DYNLRB2: variants seen among roughly 807,000 people sequenced by gnomAD.
DYNLRB2 encodes the protein bithoraxoid-like protein.
Under a neutral mutation model 12.6 loss-of-function variants are expected in DYNLRB2, and 14 were observed. That is an observed-to-expected ratio of 1.11 (90% CI 0.73 to 1.73). The LOEUF is 1.73. Ranked by LOEUF, DYNLRB2 falls within the 40% of genes most tolerant of loss-of-function variation. DYNLRB2 has a pLI of 0.00. For missense variants in DYNLRB2, 142 were observed against 117.7 expected (o/e 1.21, Z -0.95); for synonymous variants, 53 against 37.0 (o/e 1.43, Z -1.57).
intron 2 of DYNLRB2, among the ~76,000 whole-genome samples, chr16:80,548,578 C>G (rs951159593): frequency 6.6e-6 from 1 of 151,900 alleles, no homozygotes; most frequent in African/African-American, 2.4e-5. Context: ...AACAATTAGC[C>G]GGGCGTGGTG....
In DYNLRB2 at chr16:80,543,363, A is replaced by C. The variant is rs956888664; in HGVS notation, c.79+12A>C. On this transcript the variant is annotated intron_variant, in intron 2 of 3. Coordinates refer to ENST00000305904, the MANE Select transcript of DYNLRB2 (RefSeq NM_130897.3). ...TGTAAATGCAGAAGGTAAATATATC[A>C]CAGGCTGTCTTCTTGACACACAGAA... 6.2e-7 allele frequency: 1 copy of C among 1,613,638 alleles called. No homozygotes were observed. Among genetic ancestry groups the C allele is most frequent in the Non-Finnish European group, 8.5e-7 (1 of 1,179,662 alleles).
chr16:80,541,175 C>A, intron 1 of DYNLRB2, 96 bp downstream of exon 1: 1 of 1,502,560 alleles, frequency 6.7e-7, no homozygotes, highest in Non-Finnish European at 8.9e-7. Flanking sequence ...CAGGCACGGG[C>A]GGTCCAGGGG....
chr16:80,549,463 C>T, intron 2 of DYNLRB2, 21 bp from the exon 3 acceptor site: 1 of 1,554,424 alleles, frequency 6.4e-7, no homozygotes, highest in Non-Finnish European at 8.7e-7. Flanking sequence ...AAATATTAAC[C>T]AAAATTAAAT....
intron 1 of DYNLRB2, among the ~76,000 whole-genome samples, chr16:80,543,074 G>A (rs1182364531): frequency 1.3e-5 from 2 of 152,226 alleles, no homozygotes; most frequent in Admixed American, 6.5e-5. Flanking sequence ...AGATTCATCA[G>A]GATTGTATCC....
rs1483584082 is a variant in DYNLRB2, at chr16:80,542,386, A to C, written c.4-890A>C. On this transcript the variant is annotated intron_variant, in intron 1 of 3. Transcript: ENST00000305904. ...CAAGAAAACCTTGGCTCTGATGCTG[A>C]AATAGAGAAAATAAGTGCTCCTGCC... Among the ~76,000 whole-genome samples, 3 of 152,332 alleles carry C rather than the reference A, an allele frequency of 2.0e-5. No individual in the cohort carries two copies. The East Asian group carries it at 5.8e-4, about 29-fold the overall frequency.
At position 80,545,666 on chromosome 16, in the gene DYNLRB2, C is replaced by CTTTTTT. The variant is rs775659372; in HGVS notation, c.79+2329_79+2334dup. Among the ~76,000 whole-genome samples the CTTTTTT allele has an allele frequency of 1.3e-4, 10 of 74,916 alleles. 2 individuals are homozygous for CTTTTTT. The highest frequency in any genetic ancestry group is 4.1e-4 in the Admixed American group (2 of 4,844). The allele number at this position is 74,916 out of a possible 152,430, so 49.1% of individuals were successfully genotyped here. A position where few individuals can be genotyped will look rare whatever the true frequency, so the allele number is the denominator to read the frequency against. Reference sequence around the variant, plus strand: ...TATTATTTTCAGTACCCATTAGCTTCTTTTTTTTTTTTTTTTTTTGAGATG... The same window carrying CTTTTTT: ...TATTATTTTCAGTACCCATTAGCTTCTTTTTTTTTTTTTTTTTTTTTTTTTGAGATG... On this transcript the variant is annotated intron_variant, in intron 2 of 3. Coordinates refer to ENST00000305904, the MANE Select transcript of DYNLRB2 (RefSeq NM_130897.3).
chr16:80,550,415 A>C, intron 3 of DYNLRB2, 100 bp from the exon 4 acceptor site: 1 of 1,389,004 alleles, frequency 7.2e-7, no homozygotes, highest in African/African-American at 1.4e-5. Flanking sequence ...CTGTCTGCAC[A>C]AGGTCCCTGT....
At chr16:80,549,951 A>G (rs1165121030) in intron 3 of DYNLRB2, among the ~76,000 whole-genome samples, 2 of 152,234 alleles carry the variant, frequency 1.3e-5, no homozygotes. Flanking sequence ...CAGACTCTGC[A>G]GAATGGGAGA....
intron 1 of DYNLRB2, among the ~76,000 whole-genome samples, chr16:80,542,379 G>A (rs543137478): frequency 6.6e-6 from 1 of 152,256 alleles, no homozygotes; most frequent in Admixed American, 6.5e-5. Flanking sequence ...CCTTGGCTCT[G>A]ATGCTGAAAT....
At chr16:80,547,523 G>C (rs148705839) in intron 2 of DYNLRB2, among the ~76,000 whole-genome samples, 10 of 152,104 alleles carry the variant, frequency 6.6e-5, no homozygotes, top group African/African-American at 2.2e-4. Context: ...AAAAAGGCTA[G>C]CTGTTTTATT....
chr16:80,543,499 A>G (rs929754011), intron 2 of DYNLRB2, 148 bp downstream of exon 2: 9 of 731,398 alleles, frequency 1.2e-5, no homozygotes, highest in South Asian at 1.2e-4. Context: ...CCAAACATCT[A>G]TTGAGTATCT....
chr16:80,547,121 A>G (rs1904516499), intron 2 of DYNLRB2, among the ~76,000 whole-genome samples: 1 of 152,246 alleles, frequency 6.6e-6, no homozygotes, highest in African/African-American at 2.4e-5. Context: ...TATTAAGTAT[A>G]TTACAAAACA....
intron 1 of DYNLRB2, 35 bp downstream of exon 1, chr16:80,541,114 C>T: frequency 6.2e-7 from 1 of 1,604,522 alleles, no homozygotes; most frequent in Non-Finnish European, 8.5e-7. Flanking sequence ...CCCCGCCGTT[C>T]CAAGCACGCC....
rs1347783399 is a variant in DYNLRB2, at chr16:80,549,477, A to T, written c.80-7A>T. 1 of 1,577,008 alleles carries T rather than the reference A, an allele frequency of 6.3e-7. No homozygotes were observed. Among genetic ancestry groups the T allele is most frequent in the Non-Finnish European group, 8.6e-7 (1 of 1,157,766 alleles). ...AAAATATTAACCAAAATTAAATTTC[A>T]TAATAGGTATTCCCATCCGAACAAC... On this transcript the variant is annotated splice_region_variant and splice_polypyrimidine_tract_variant and intron_variant, in intron 2 of 3. Coordinates refer to ENST00000305904, the MANE Select transcript of DYNLRB2 (RefSeq NM_130897.3).
upstream of DYNLRB2, chr16:80,540,966 C>G: frequency 2.6e-6 from 4 of 1,561,536 alleles, no homozygotes; most frequent in Non-Finnish European, 3.5e-6. Flanking sequence ...GCAGCCCTGA[C>G]GCTTCCGTGG....
intron 2 of DYNLRB2, chr16:80,548,985 C>A (rs1428141901): frequency 6.6e-6 from 3 of 455,872 alleles, no homozygotes; most frequent in Non-Finnish European, 1.3e-5. Context: ...AACTTCAGAG[C>A]AGACTCACTA....
intron 2 of DYNLRB2, among the ~76,000 whole-genome samples, chr16:80,543,867 A>T (rs983019340): frequency 2.0e-5 from 3 of 152,214 alleles, no homozygotes; most frequent in African/African-American, 7.2e-5. Flanking sequence ...ATTTCCAACT[A>T]TGAAATCTGT....
chr16:80,549,541 T>A lies in DYNLRB2; in HGVS notation c.137T>A (p.Leu46His). Residue 46 changes from leucine to histidine, a missense_variant, in exon 3 of 4, where the codon CTT becomes CAT. Coordinates refer to ENST00000305904, the MANE Select transcript of DYNLRB2 (RefSeq NM_130897.3). ...ACAACTGTTCAATATGCAGGCCTTC[T>A]TCATCACCTGACAATGAAAGCCAAA... is the stretch of plus-strand genomic sequence containing the variant. ...NSTTVQYAGL[L>H]HHLTMKAKST... is the part of the protein sequence containing the mutation. 1 of 1,613,494 alleles carries A rather than the reference T, an allele frequency of 6.2e-7. No homozygotes were observed. The highest frequency in any genetic ancestry group is 8.5e-7 in the Non-Finnish European group (1 of 1,179,592).
Position 80,541,171 on chromosome 16 carries a change from C to T in DYNLRB2, c.3+92C>T, listed in dbSNP as rs1272484637. On this transcript the variant is annotated intron_variant, in intron 1 of 3. Transcript: ENST00000305904. The stretch of plus-strand genomic sequence containing the variant: ...CCAGCTTCTGGGGCCCACCCAGGCA[C>T]GGGCGGTCCAGGGGCCGCGGCGGAG... 5 of 1,509,072 alleles carry T rather than the reference C, an allele frequency of 3.3e-6. No individual in the cohort carries two copies. The Admixed American group carries it at 6.6e-5, about 20-fold the overall frequency. The allele number at this position is 1,509,072 out of a possible 1,614,324, so 93.5% of individuals were successfully genotyped here.
Sources: allele counts gnomAD v4.1 joint callset (sites outside exome capture counted in the v4.1 genomes callset), GRCh38; gene constraint gnomAD v4.1.1; transcripts MANE v1.5; gene names NCBI Gene and HGNC (gene_info 2026-07-23, HGNC 2026-07-21).